Variants in ATF6 observed in about 807,000 individuals in gnomAD.
The protein encoded by ATF6 is cyclic AMP-dependent transcription factor ATF-6 alpha.
Under a neutral mutation model 83.6 loss-of-function variants are expected in ATF6, and 53 were observed. That is an observed-to-expected ratio of 0.63 (90% CI 0.51 to 0.80). ATF6 has a LOEUF of 0.80. Among genes scored for constraint, ATF6 ranks in the 30% least tolerant of loss-of-function variants. ATF6 has a pLI of 0.00. For missense variants in ATF6, 744 were observed against 797.9 expected (o/e 0.93, Z 0.81); for synonymous variants, 288 against 285.8 (o/e 1.01, Z -0.08).
chr1:161,782,027 TTTAA>T (rs1684643388), intron 3 of ATF6, 28 bp downstream of exon 3: 2 of 1,466,204 alleles, frequency 1.4e-6, no homozygotes, highest in Admixed American at 2.0e-5. Context: ...TGGTAAAAGT[TTTAA>T]AAAGATCAAT....
chr1:161,928,073 T>C (rs963446756), intron 15 of ATF6, among the ~76,000 whole-genome samples: 3 of 152,186 alleles, frequency 2.0e-5, no homozygotes, highest in Non-Finnish European at 2.9e-5. Context: ...ACAGATATAA[T>C]TGCATTTGGT....
chr1:161,857,137 C>T (rs1571194210), intron 12 of ATF6, among the ~76,000 whole-genome samples: 1 of 152,114 alleles, frequency 6.6e-6, no homozygotes, highest in Non-Finnish European at 1.5e-5. Context: ...TAAAAAAATT[C>T]TGTTTCTTGG....
At chr1:161,782,164 T>C (rs1194459416) in intron 3 of ATF6, among the ~76,000 whole-genome samples, 165 bp downstream of exon 3, 1 of 152,210 alleles carries the variant, frequency 6.6e-6, no homozygotes, top group Non-Finnish European at 1.5e-5. Context: ...ACAAATTTCT[T>C]GCCAAAAATG....
chr1:161,767,885 C>T (rs1409351283), intron 1 of ATF6, among the ~76,000 whole-genome samples: 1 of 152,042 alleles, frequency 6.6e-6, no homozygotes. Flanking sequence ...GATGGAGTTT[C>T]GCTTTTGTTG....
At chr1:161,772,961 CT>C (rs1158751486) in intron 1 of ATF6, among the ~76,000 whole-genome samples, 1 of 129,826 alleles carries the variant, frequency 7.7e-6, no homozygotes, top group African/African-American at 2.9e-5. Flanking sequence ...ACTGAAACTC[CT>C]GTTTTTTTTT....
chr1:161,958,759 C>A lies in ATF6; in HGVS notation c.*105C>A. ...CTTGGTGGCAGGCAGAGAACTGTCTCGTACTAGAATTCAAGGAGGAAAGAA... is the reference window on the plus strand; with the variant it reads ...CTTGGTGGCAGGCAGAGAACTGTCTAGTACTAGAATTCAAGGAGGAAAGAA... On this transcript the variant is annotated 3_prime_UTR_variant, in exon 16 of 16. Transcript: ENST00000367942. 3.2e-6 allele frequency: 3 copies of A among 937,428 alleles called. No homozygotes were observed. Among genetic ancestry groups the A allele is most frequent in the African/African-American group, 1.7e-5 (1 of 60,602 alleles). The allele number at this position is 937,428 out of a possible 1,614,324, so 58.1% of individuals were successfully genotyped here. A position where few individuals can be genotyped will look rare whatever the true frequency, so the allele number is the denominator to read the frequency against.
chr1:161,804,526 G>C (rs568458668), intron 7 of ATF6, among the ~76,000 whole-genome samples: 2 of 152,182 alleles, frequency 1.3e-5, no homozygotes, highest in Admixed American at 1.3e-4. Context: ...TTCCAGGAAA[G>C]GAAGGTTGTT....
chr1:161,962,892 A>G lies in ATF6; in HGVS notation c.*4238A>G, dbSNP rs1571268520. 1 of 152,230 alleles carries G rather than the reference A, an allele frequency of 6.6e-6. No individual in the cohort carries two copies. The highest frequency in any genetic ancestry group is 2.1e-4 in the South Asian group (1 of 4,832). The allele number at this position is 152,230 out of a possible 1,614,324, so 9.4% of individuals were successfully genotyped here. On this transcript the variant is annotated 3_prime_UTR_variant, in exon 16 of 16. Coordinates refer to ENST00000367942, the MANE Select transcript of ATF6 (RefSeq NM_007348.4). ...ACAAATGTTATTTTCATCAGTCCTG[A>G]GTCATTTTAACTTACAGAAATTAGG...
In ATF6 at chr1:161,882,662, CT is replaced by C. The variant is rs573990803; in HGVS notation, c.1719+19355del. Among the ~76,000 whole-genome samples, 141 of 149,998 alleles carry C rather than the reference CT, an allele frequency of 9.4e-4. 1 individual carries two copies. Among genetic ancestry groups the C allele is most frequent in the African/African-American group, 3.3e-3 (134 of 41,022 alleles). On this transcript the variant is annotated intron_variant, in intron 14 of 15. Transcript: ENST00000367942. ...TTTTCCATTTAGCTGTGAGTCATTA[CT>C]TTTTAGTTTCGTGGAGAAATTAAGT...
intron 14 of ATF6, among the ~76,000 whole-genome samples, chr1:161,897,795 G>C (rs961857938): frequency 6.6e-6 from 1 of 152,148 alleles, no homozygotes; most frequent in Non-Finnish European, 1.5e-5. Context: ...CGTGTTGAGT[G>C]ATAATATTTT....
intron 9 of ATF6, among the ~76,000 whole-genome samples, chr1:161,830,729 A>G (rs188138938): frequency 2.4e-3 from 371 of 152,350 alleles, no homozygotes; most frequent in African/African-American, 8.3e-3. Flanking sequence ...TGGTGCTGGG[A>G]AAACTGGCTA....
chr1:161,940,085 T>C (rs554887995), intron 15 of ATF6, among the ~76,000 whole-genome samples: 5 of 152,306 alleles, frequency 3.3e-5, no homozygotes, highest in Admixed American at 2.6e-4. Context: ...TTCACTTTTC[T>C]CCCCAAACTC....
chr1:161,897,291 G>A (rs972459679), intron 14 of ATF6, among the ~76,000 whole-genome samples: 12 of 151,916 alleles, frequency 7.9e-5, no homozygotes, highest in African/African-American at 2.9e-4. Context: ...AAAGTTAGCC[G>A]GGCATGGTGG....
At chr1:161,944,711 C>T (rs1032369995) in intron 15 of ATF6, among the ~76,000 whole-genome samples, 2 of 152,190 alleles carry the variant, frequency 1.3e-5, no homozygotes, top group African/African-American at 4.8e-5. Flanking sequence ...TCACCACTGC[C>T]TCCTCAGAGT....
chr1:161,902,261 C>G (rs1008099244), intron 14 of ATF6, among the ~76,000 whole-genome samples: 6 of 152,158 alleles, frequency 3.9e-5, no homozygotes, highest in African/African-American at 9.7e-5. Flanking sequence ...AGTGCTTTTT[C>G]TTGAGATAGC....
intron 9 of ATF6, among the ~76,000 whole-genome samples, chr1:161,824,437 T>G (rs1399151001): frequency 6.6e-6 from 1 of 151,486 alleles, no homozygotes; most frequent in East Asian, 1.9e-4. Context: ...TTTCCTGGAC[T>G]ACCTTTTCTA....
rs190142001 is a variant in ATF6, at chr1:161,937,531, G to A, written c.1805-20915G>A. On this transcript the variant is annotated intron_variant, in intron 15 of 15. Transcript: ENST00000367942. ...GCCTTTATGGGGGTGATTAGGTCATGAAGGCAGAGCCCTCATGAATGGAAT... is the reference window on the plus strand; with the variant it reads ...GCCTTTATGGGGGTGATTAGGTCATAAAGGCAGAGCCCTCATGAATGGAAT... Among the ~76,000 whole-genome samples, 140 of 152,034 alleles carry A rather than the reference G, an allele frequency of 9.2e-4. 3 individuals are homozygous for A. The Middle Eastern group carries it at 0.014, about 15-fold the overall frequency.
At chr1:161,940,344 C>A (rs1688618397) in intron 15 of ATF6, among the ~76,000 whole-genome samples, 1 of 152,104 alleles carries the variant, frequency 6.6e-6, no homozygotes, top group African/African-American at 2.4e-5. Flanking sequence ...TCCTTATTGC[C>A]TTTGGGATAA....
intron 9 of ATF6, among the ~76,000 whole-genome samples, chr1:161,826,065 A>T (rs1685888590): frequency 6.6e-6 from 1 of 152,230 alleles, no homozygotes; most frequent in Non-Finnish European, 1.5e-5. Context: ...ATTATTTCTT[A>T]TTATATCGCA....
Sources: allele counts gnomAD v4.1 joint callset (sites outside exome capture counted in the v4.1 genomes callset), GRCh38; gene constraint gnomAD v4.1.1; transcripts MANE v1.5; gene names NCBI Gene and HGNC (gene_info 2026-07-23, HGNC 2026-07-21).